Variants in ST3GAL2 observed in about 807,000 individuals in gnomAD.
The protein encoded by ST3GAL2 is ST3 beta-galactoside alpha-2,3-sialyltransferase 2.
In ST3GAL2, 16 loss-of-function variants were observed where a neutral mutation model predicts 37.5. That is an observed-to-expected ratio of 0.43 (90% CI 0.29 to 0.65). ST3GAL2 has a LOEUF of 0.65. ST3GAL2 is among the 30% of genes least tolerant of loss of function. The pLI, the probability that ST3GAL2 is intolerant of heterozygous loss-of-function variation, is 0.17. For missense variants in ST3GAL2, 383 were observed against 487.8 expected (o/e 0.79, Z 2.02); for synonymous variants, 238 against 202.9 (o/e 1.17, Z -1.47).
chr16:70,438,066 G>C (rs545333934), intron 1 of ST3GAL2, among the ~76,000 whole-genome samples: 2 of 152,222 alleles, frequency 1.3e-5, no homozygotes, highest in Non-Finnish European at 2.9e-5. Context: ...ATGGGAGACG[G>C]GAGATGGATG....
chr16:70,381,717 C>A lies in ST3GAL2; in HGVS notation c.1025G>T (p.Ser342Ile). 1 of 1,614,002 alleles carries A rather than the reference C, an allele frequency of 6.2e-7. No homozygotes were observed. Among genetic ancestry groups the A allele is most frequent in the South Asian group, 1.1e-5 (1 of 91,086 alleles). Residue 342 changes from serine (S) to isoleucine (I), a missense_variant, in exon 7 of 7, where the codon AGC becomes ATC. Ser to Ile is a moderately radical substitution (Grantham distance 142, BLOSUM62 -2). Coordinates refer to ENST00000342907, the MANE Select transcript of ST3GAL2 (RefSeq NM_006927.4). ...AHIIDMLAKA[S>I]KIEVYRGN ...GTTGCCCCGGTAGACTTCGATCTTG[C>A]TGGCCTTGGCCAGCATGTCGATGAT...
At chr16:70,396,194 C>T (rs1389512312) in intron 2 of ST3GAL2, among the ~76,000 whole-genome samples, 1 of 150,854 alleles carries the variant, frequency 6.6e-6, no homozygotes, top group East Asian at 1.9e-4. Context: ...TGGTCTCGAA[C>T]TCCCAACCTC....
rs1487576520 is a variant in ST3GAL2, at chr16:70,399,141, T to C, written c.-611A>G. On this transcript the variant is annotated 5_prime_UTR_variant, in exon 2 of 7. Transcript: ENST00000342907. ...CTGAGAGGACAAAAACAGGAAGCTC[T>C]GTGAGTGTGGGAAAACTCCGCTGCA... is the stretch of plus-strand genomic sequence containing the variant. The C allele has an allele frequency of 2.5e-6, 1 of 399,754 alleles. No individual in the cohort carries two copies. The highest frequency in any genetic ancestry group is 4.4e-5 in the Admixed American group (1 of 22,876). 24.8% of individuals were successfully genotyped at this position (399,754 alleles called of 1,614,324 possible). A position where few individuals can be genotyped will look rare whatever the true frequency, so the allele number is the denominator to read the frequency against.
At chr16:70,418,265 C>T (rs924405450) in intron 1 of ST3GAL2, among the ~76,000 whole-genome samples, 4 of 152,204 alleles carry the variant, frequency 2.6e-5, no homozygotes, top group African/African-American at 9.7e-5. Flanking sequence ...AGGCCAGCTT[C>T]CTGCTCTGTC....
intron 1 of ST3GAL2, among the ~76,000 whole-genome samples, chr16:70,408,714 C>T (rs1385720094): frequency 1.3e-5 from 2 of 151,642 alleles, no homozygotes; most frequent in Admixed American, 1.3e-4. Flanking sequence ...CCTCTTGATG[C>T]CGCCCAGAGT....
intron 3 of ST3GAL2, among the ~76,000 whole-genome samples, chr16:70,388,957 C>A (rs1334255324): frequency 6.7e-6 from 1 of 149,310 alleles, no homozygotes; most frequent in African/African-American, 2.5e-5. Context: ...TACCTGTAAT[C>A]CCAGCAACCT....
At chr16:70,387,048 G>GT (rs2047448263) in intron 4 of ST3GAL2, among the ~76,000 whole-genome samples, 1 of 152,108 alleles carries the variant, frequency 6.6e-6, no homozygotes, top group South Asian at 2.1e-4. Context: ...GAGCTCAGAA[G>GT]TTTGAGACCA....
intron 1 of ST3GAL2, among the ~76,000 whole-genome samples, chr16:70,410,091 C>T (rs1358321226): frequency 1.3e-5 from 2 of 151,574 alleles, no homozygotes; most frequent in Non-Finnish European, 2.9e-5. Context: ...CTTTTTATTT[C>T]ACCTGATGCT....
At chr16:70,419,088 G>A (rs1305637836) in intron 1 of ST3GAL2, among the ~76,000 whole-genome samples, 1 of 152,290 alleles carries the variant, frequency 6.6e-6, no homozygotes, top group Middle Eastern at 3.4e-3. Flanking sequence ...GGACCATGGC[G>A]AGGGACTCTG....
rs904975000 is a variant in ST3GAL2 at position 70,381,881 on chromosome 16, G to C, written c.880-19C>G. On this transcript the variant is annotated intron_variant, in intron 6 of 6. Transcript: ENST00000342907. Reference sequence around the variant, plus strand: ...CGTTCACCTGCGGGGAAGCGCAGCGGAGCGTCACCCCAGGCGGGGACCTGG... The same window carrying C: ...CGTTCACCTGCGGGGAAGCGCAGCGCAGCGTCACCCCAGGCGGGGACCTGG... 6.2e-7 allele frequency: 1 copy of C among 1,611,846 alleles called. No homozygotes were observed. Among genetic ancestry groups the C allele is most frequent in the African/African-American group, 1.3e-5 (1 of 74,898 alleles).
At chr16:70,431,152 C>G (rs1046676216) in intron 1 of ST3GAL2, among the ~76,000 whole-genome samples, 5 of 151,984 alleles carry the variant, frequency 3.3e-5, no homozygotes, top group Non-Finnish European at 5.9e-5. Context: ...GGGGCAATCT[C>G]CTGACGTGTG....
chr16:70,438,311 G>A (rs1273231363), intron 1 of ST3GAL2, among the ~76,000 whole-genome samples: 1 of 152,168 alleles, frequency 6.6e-6, no homozygotes, highest in Non-Finnish European at 1.5e-5. Flanking sequence ...TCCATTCCAA[G>A]GCAGAGAAGG....
chr16:70,382,027 C>G (rs1454916304), intron 6 of ST3GAL2, among the ~76,000 whole-genome samples, 165 bp from the exon 7 acceptor site: 1 of 151,076 alleles, frequency 6.6e-6, no homozygotes, highest in Non-Finnish European at 1.5e-5. Context: ...ACCACCTTCC[C>G]TTTGCAGCCC....
rs190777028 is a variant in ST3GAL2 at position 70,380,730 on chromosome 16, C to T, written c.*959G>A. 5.4e-3 allele frequency: 822 copies of T among 152,688 alleles called. 4 individuals carry two copies. The highest frequency in any genetic ancestry group is 6.4e-3 in the Non-Finnish European group (437 of 68,298). 9.5% of individuals were successfully genotyped at this position (152,688 alleles called of 1,614,324 possible). A position where few individuals can be genotyped will look rare whatever the true frequency, so the allele number is the denominator to read the frequency against. Reference sequence around the variant, plus strand: ...AATGAGCCCCAGGCAAAGTTACCCCCAGGCAAGAGGCGATGGGTGGAGGAG... The same window carrying T: ...AATGAGCCCCAGGCAAAGTTACCCCTAGGCAAGAGGCGATGGGTGGAGGAG... On this transcript the variant is annotated 3_prime_UTR_variant, in exon 7 of 7. Coordinates refer to ENST00000342907, the MANE Select transcript of ST3GAL2 (RefSeq NM_006927.4).
chr16:70,429,004 C>A (rs2047770082), intron 1 of ST3GAL2, among the ~76,000 whole-genome samples: 1 of 152,174 alleles, frequency 6.6e-6, no homozygotes, highest in Non-Finnish European at 1.5e-5. Context: ...AGGAAAGAGA[C>A]CAGATGGAGT....
At chr16:70,421,516 T>C (rs1177961879) in intron 1 of ST3GAL2, among the ~76,000 whole-genome samples, 1 of 152,216 alleles carries the variant, frequency 6.6e-6, no homozygotes, top group Admixed American at 6.5e-5. Context: ...TTTAGGGGGA[T>C]GTGGAAAGGA....
In ST3GAL2 at chr16:70,395,085, G is replaced by A. The variant is rs749103951; in HGVS notation, c.430C>T (p.Arg144Trp). The change falls in exon 3 of 7, where the codon CGG (arginine) becomes TGG (tryptophan). Residue 144 changes from arginine (R) to tryptophan (W), a missense_variant. Arg to Trp is a moderately radical substitution (Grantham distance 101). Around this residue, in one of 2 missense-constraint regions of ST3GAL2, gnomAD observed 223 missense variants for 239.1 expected, o/e 0.93. Coordinates refer to ENST00000342907, the MANE Select transcript of ST3GAL2 (RefSeq NM_006927.4). ...IVPGENPYRFRDPHQCRRCAV... is the reference protein window; with the variant it reads ...IVPGENPYRFWDPHQCRRCAV... ...CAGCGCCGGCACTGGTGGGGGTCCC[G>A]GAAGCGGTAGGGGTTCTCGCCAGGC... is the stretch of plus-strand genomic sequence containing the variant. 3.3e-5 allele frequency: 54 copies of A among 1,613,826 alleles called. No individual in the cohort carries two copies. In the African/African-American group the frequency reaches 5.6e-4, roughly 17 times the overall value.
At chr16:70,401,787 T>C (rs919939112) in intron 1 of ST3GAL2, among the ~76,000 whole-genome samples, 2 of 151,434 alleles carry the variant, frequency 1.3e-5, no homozygotes, top group Non-Finnish European at 2.9e-5. Flanking sequence ...GAGGTCAGGA[T>C]TTCAAGACCA....
chr16:70,425,145 A>C (rs1393353581), intron 1 of ST3GAL2, among the ~76,000 whole-genome samples: 1 of 151,948 alleles, frequency 6.6e-6, no homozygotes, highest in Non-Finnish European at 1.5e-5. Flanking sequence ...CCAAGAGTTC[A>C]AGTACAGCCT....
Sources: gnomAD v4.1 joint callset for allele counts (sites outside exome capture counted in the v4.1 genomes callset) on GRCh38, gnomAD v4.1.1 for gene constraint, gnomAD v4.1.1 regional missense constraint, MANE v1.5 for transcripts, NCBI Gene and HGNC (gene_info 2026-07-23, HGNC 2026-07-21) for gene names.